The following AMD1 variants were observed in gnomAD, a reference collection of about 807,000 sequenced individuals.
AMD1 encodes adenosylmethionine decarboxylase 1, also known as S-adenosylmethionine decarboxylase proenzyme.
AMD1 carries 11 observed loss-of-function variants against 40.2 expected under a neutral mutation model. The observed-to-expected ratio is 0.27, with a 90% confidence interval of 0.17 to 0.45. The LOEUF is 0.45. Ranked by LOEUF, AMD1 falls within the 20% of genes least tolerant of loss-of-function variation. The pLI is 1.00. For missense variants in AMD1, 257 were observed against 410.2 expected, an observed-to-expected ratio of 0.63 and a Z score of 3.23; for synonymous variants, 121 against 130.8, an observed-to-expected ratio of 0.93 and a Z score of 0.51.
At chr6:110,821,677 A>G in the AMD1 span, among the ~76,000 whole-genome samples, 1 of 152,216 alleles carries the variant, frequency 6.6e-6, no homozygotes, top group African/African-American at 2.4e-5. Context: ...TGCTTTTAAC[A>G]GTTTGTTCAA....
upstream of AMD1, among the ~76,000 whole-genome samples, chr6:110,872,992 G>A (rs1003250361): frequency 1.3e-5 from 2 of 152,098 alleles, no homozygotes; most frequent in African/African-American, 2.4e-5. Context: ...TTTATTCCAA[G>A]TAGAGTAACC....
the AMD1 span, chr6:110,856,422 C>T: frequency 2.0e-5 from 3 of 152,092 alleles, no homozygotes; most frequent in Admixed American, 6.6e-5. Flanking sequence ...GATTGGTGCT[C>T]GTATAAATGC....
At chr6:110,853,939 T>G in the AMD1 span, among the ~76,000 whole-genome samples, 1 of 152,188 alleles carries the variant, frequency 6.6e-6, no homozygotes, top group South Asian at 2.1e-4. Flanking sequence ...GACTAAACCC[T>G]ATGTCACTTA....
chr6:110,822,270 A>G, the AMD1 span, among the ~76,000 whole-genome samples: 1 of 152,188 alleles, frequency 6.6e-6, no homozygotes, highest in African/African-American at 2.4e-5. Flanking sequence ...ACACCACAGA[A>G]ATACAAAAGA....
At chr6:110,816,389 G>A in the AMD1 span, among the ~76,000 whole-genome samples, 1 of 152,056 alleles carries the variant, frequency 6.6e-6, no homozygotes, top group Non-Finnish European at 1.5e-5. Flanking sequence ...CATTGTGTTG[G>A]GGCTCAGGAC....
chr6:110,853,326 G>A, the AMD1 span, among the ~76,000 whole-genome samples: 2 of 126,018 alleles, frequency 1.6e-5, no homozygotes, highest in African/African-American at 3.0e-5. Context: ...TTTTTTTTTT[G>A]AGACGGAATC....
chr6:110,882,356 T>G (rs1162082910), intron 1 of AMD1, among the ~76,000 whole-genome samples: 1 of 152,122 alleles, frequency 6.6e-6, no homozygotes, highest in Non-Finnish European at 1.5e-5. Context: ...GAGTAAATTT[T>G]AAATTTTGCA....
the AMD1 span, among the ~76,000 whole-genome samples, chr6:110,836,790 C>T: frequency 1.3e-5 from 2 of 151,710 alleles, no homozygotes; most frequent in South Asian, 2.1e-4. Context: ...TGGAAATGAA[C>T]CTAGTGGGAA....
At chr6:110,878,647 G>A (rs1785236349) in intron 1 of AMD1, among the ~76,000 whole-genome samples, 1 of 152,122 alleles carries the variant, frequency 6.6e-6, no homozygotes, top group South Asian at 2.1e-4. Flanking sequence ...TTAAAAAATG[G>A]TTTAGTTGTT....
chr6:110,890,207 A>T, intron 3 of AMD1, 47 bp from the exon 4 acceptor site: 1 of 1,361,028 alleles, frequency 7.3e-7, no homozygotes. Context: ...ATAGAATTCT[A>T]CATCTAAAGT....
the AMD1 span, among the ~76,000 whole-genome samples, chr6:110,844,212 A>G: frequency 6.7e-6 from 1 of 149,792 alleles, no homozygotes; most frequent in African/African-American, 2.5e-5. Flanking sequence ...ACATAGCAAG[A>G]TCCTGTCCCT....
the AMD1 span, chr6:110,814,698 A>G: frequency 1.7e-6 from 1 of 571,464 alleles, no homozygotes; most frequent in South Asian, 1.5e-5. Flanking sequence ...TAGACCCCAC[A>G]AACTCCTCCT....
rs556488260 is a variant in AMD1, at chr6:110,891,702, T to G, written c.428-459T>G. On this transcript the variant is annotated intron_variant, in intron 4 of 8. Coordinates refer to ENST00000368885, the MANE Select transcript of AMD1 (RefSeq NM_001634.6). Reference sequence around the variant, plus strand: ...TACCCGCCAAGTCAGTCGATCCTGCTTATCTGGGAATTTACCTACTGTTTC... The same window carrying G: ...TACCCGCCAAGTCAGTCGATCCTGCGTATCTGGGAATTTACCTACTGTTTC... 8 of 174,186 alleles carry G rather than the reference T, an allele frequency of 4.6e-5. No individual in the cohort carries two copies. In the East Asian group the frequency reaches 9.1e-4, roughly 20 times the overall value. The allele number at this position is 174,186 out of a possible 1,614,324, so 10.8% of individuals were successfully genotyped here.
At chr6:110,884,312 C>T (rs1316596412) in intron 1 of AMD1, among the ~76,000 whole-genome samples, 1 of 152,182 alleles carries the variant, frequency 6.6e-6, no homozygotes, top group Non-Finnish European at 1.5e-5. Flanking sequence ...AGGATGCCAT[C>T]CTAAATTAGT....
the AMD1 span, chr6:110,858,936 A>C: frequency 9.4e-5 from 92 of 975,146 alleles, no homozygotes; most frequent in Non-Finnish European, 1.4e-4. Flanking sequence ...CAAGCTGGGA[A>C]CCGACAAGTG....
At chr6:110,814,893 CCCCCTCCGCCTCG>C in the AMD1 span, 2 of 1,390,788 alleles carry the variant, frequency 1.4e-6, no homozygotes, top group Non-Finnish European at 2.0e-6. Flanking sequence ...AACCCCGCGA[CCCCCTCCGCCTCG>C]CCCCTCGGGC....
At chr6:110,861,219 G>A in the AMD1 span, among the ~76,000 whole-genome samples, 44 of 152,072 alleles carry the variant, frequency 2.9e-4, no homozygotes, top group Non-Finnish European at 4.3e-4. Flanking sequence ...TTAGCCGGGC[G>A]TAGTGGCGGG....
At chr6:110,886,235 A>G (rs1410264975) in intron 1 of AMD1, among the ~76,000 whole-genome samples, 2 of 152,058 alleles carry the variant, frequency 1.3e-5, no homozygotes, top group Non-Finnish European at 2.9e-5. Context: ...AAAAAAAAAA[A>G]AAAAGATTTG....
chr6:110,815,197 TCCTC>T, the AMD1 span: 1 of 1,399,568 alleles, frequency 7.1e-7, no homozygotes. Context: ...TCCCTCCTCC[TCCTC>T]CCCCCGCGAC....
Sources: allele counts gnomAD v4.1 joint callset (sites outside exome capture counted in the v4.1 genomes callset), GRCh38; gene constraint gnomAD v4.1.1; transcripts MANE v1.5; gene names NCBI Gene and HGNC (gene_info 2026-07-23, HGNC 2026-07-21).